POU6F2: variants seen among roughly 807,000 people sequenced by gnomAD.
The protein encoded by POU6F2 is POU class 6 homeobox 2, also known as POU domain, class 6, transcription factor 2.
A neutral mutation model predicts 71.3 loss-of-function variants in POU6F2; 31 were observed. The observed-to-expected ratio is 0.43, with a 90% CI of 0.33 to 0.59. POU6F2 has a LOEUF of 0.59. Among genes scored for constraint, POU6F2 ranks in the 20% least tolerant of loss-of-function variants. The pLI is 0.04. For missense variants in POU6F2, 783 were observed against 856.8 expected (o/e 0.91, Z 1.07); for synonymous variants, 347 against 355.7 (o/e 0.98, Z 0.27).
intron 2 of POU6F2, among the ~76,000 whole-genome samples, chr7:39,137,810 GT>G (rs1792417022): frequency 6.6e-6 from 1 of 152,036 alleles, no homozygotes; most frequent in Non-Finnish European, 1.5e-5. Flanking sequence ...AGTTCAACCT[GT>G]GCATATTGAT....
At position 39,272,293 on chromosome 7, in the gene POU6F2, C is replaced by G. The variant is rs151302469; in HGVS notation, c.598+64673C>G. ...ACTGTAGAGAGATAGAGACTCCAGG[C>G]TAATCCCTCCTCCACTCCCATCACA... On this transcript the variant is annotated intron_variant, in intron 4 of 9. Transcript: ENST00000518318. Among the ~76,000 whole-genome samples the G allele has an allele frequency of 2.4e-3, 360 of 152,278 alleles. 1 individual carries two copies. The highest frequency in any genetic ancestry group is 8.5e-3 in the African/African-American group (352 of 41,542).
At chr7:39,002,030 G>A (rs951355609) in intron 1 of POU6F2, 1 of 152,132 alleles carries the variant, frequency 6.6e-6, no homozygotes, top group Non-Finnish European at 1.5e-5. Flanking sequence ...AAAATAACAG[G>A]GCTATGTCAA....
At chr7:39,058,721 A>G (rs1790587646) in intron 1 of POU6F2, among the ~76,000 whole-genome samples, 1 of 152,220 alleles carries the variant, frequency 6.6e-6, no homozygotes, top group South Asian at 2.1e-4. Flanking sequence ...TTACATGACT[A>G]GATACGTAAA....
intron 1 of POU6F2, among the ~76,000 whole-genome samples, chr7:39,024,409 A>C (rs1188746628): frequency 6.6e-6 from 1 of 152,052 alleles, no homozygotes; most frequent in East Asian, 1.9e-4. Flanking sequence ...TTTTGGGCTG[A>C]GACGATGGGG....
At chr7:39,062,237 T>C (rs1562690733) in intron 1 of POU6F2, among the ~76,000 whole-genome samples, 1 of 152,008 alleles carries the variant, frequency 6.6e-6, no homozygotes, top group Non-Finnish European at 1.5e-5. Flanking sequence ...TCAGTACTGT[T>C]AAAAAAATAC....
intron 5 of POU6F2, among the ~76,000 whole-genome samples, chr7:39,368,354 A>C (rs1786545818): frequency 6.6e-6 from 1 of 152,072 alleles, no homozygotes; most frequent in Non-Finnish European, 1.5e-5. Context: ...ATCCAAACCA[A>C]GGCCCTCTCT....
chr7:39,144,940 A>G (rs1028203106), intron 2 of POU6F2, among the ~76,000 whole-genome samples: 2 of 152,132 alleles, frequency 1.3e-5, no homozygotes, highest in African/African-American at 4.8e-5. Flanking sequence ...GGCCCAGGTC[A>G]TTATTGACTC....
intron 1 of POU6F2, among the ~76,000 whole-genome samples, chr7:39,051,379 A>C (rs1790396893): frequency 6.6e-6 from 1 of 152,064 alleles, no homozygotes; most frequent in Non-Finnish European, 1.5e-5. Context: ...ATGTTTGAGT[A>C]GGTTTGGGTA....
chr7:39,422,425 G>A (rs1375632963), intron 6 of POU6F2, among the ~76,000 whole-genome samples: 32 of 152,148 alleles, frequency 2.1e-4, no homozygotes, highest in Admixed American at 1.8e-3. Context: ...ATTTTTATGC[G>A]ATATCTCATG....
At chr7:38,988,012 A>G (rs1418328097) in intron 1 of POU6F2, among the ~76,000 whole-genome samples, 1 of 152,100 alleles carries the variant, frequency 6.6e-6, no homozygotes, top group African/African-American at 2.4e-5. Flanking sequence ...GGAGCTTAAA[A>G]CGGGCTTTTA....
chr7:39,098,432 C>T (rs1486067354), intron 2 of POU6F2, among the ~76,000 whole-genome samples: 1 of 149,568 alleles, frequency 6.7e-6, no homozygotes, highest in Non-Finnish European at 1.5e-5. Flanking sequence ...TACCATCACA[C>T]TCAGCTAATT....
intron 4 of POU6F2, among the ~76,000 whole-genome samples, chr7:39,339,098 CA>C (rs988547850): frequency 5.6e-5 from 8 of 142,722 alleles, no homozygotes; most frequent in African/African-American, 2.1e-4. Flanking sequence ...AAAAAAAAAA[CA>C]GTTAGAAATT....
intron 1 of POU6F2, among the ~76,000 whole-genome samples, chr7:39,047,169 A>T (rs377136276): frequency 6.6e-6 from 1 of 151,880 alleles, no homozygotes; most frequent in South Asian, 2.1e-4. Context: ...CTTTTTGGAA[A>T]TTATTCAGGT....
chr7:39,279,649 T>C (rs1484865909), intron 4 of POU6F2, among the ~76,000 whole-genome samples: 1 of 152,250 alleles, frequency 6.6e-6, no homozygotes, highest in Non-Finnish European at 1.5e-5. Flanking sequence ...GCCAGCAATC[T>C]TTGGCATTTC....
chr7:39,348,919 CA>C (rs1193230299), intron 5 of POU6F2, among the ~76,000 whole-genome samples: 2 of 152,246 alleles, frequency 1.3e-5, no homozygotes, highest in Non-Finnish European at 1.5e-5. Flanking sequence ...ACGATTTAAC[CA>C]AGAAATTCTG....
chr7:39,206,648 G>T (rs1301897982), intron 3 of POU6F2, among the ~76,000 whole-genome samples: 1 of 152,024 alleles, frequency 6.6e-6, no homozygotes, highest in East Asian at 1.9e-4. Flanking sequence ...TTTCTAAAGA[G>T]GTGTCATAAT....
At chr7:39,380,214 T>G (rs1432802377) in intron 5 of POU6F2, among the ~76,000 whole-genome samples, 1 of 152,222 alleles carries the variant, frequency 6.6e-6, no homozygotes, top group Non-Finnish European at 1.5e-5. Context: ...AAGAAGGCAG[T>G]GTCATCCCTG....
At position 39,080,913 on chromosome 7, in the gene POU6F2, A is replaced by G. The variant is rs372866995; in HGVS notation, c.106-4947A>G. 6.2e-4 allele frequency among the ~76,000 whole-genome samples: 94 copies of G among 152,362 alleles called. 1 individual carries two copies. In the South Asian group the frequency reaches 0.019, roughly 32 times the overall value. On this transcript the variant is annotated intron_variant, in intron 1 of 9. Transcript: ENST00000518318. ...TTAAATTATTGAAGGTCTTTAGCCA[A>G]ATTACATATTTGTTTATGTGGTATT...
At chr7:39,269,768 T>C (rs967758114) in intron 4 of POU6F2, among the ~76,000 whole-genome samples, 4 of 152,198 alleles carry the variant, frequency 2.6e-5, no homozygotes, top group African/African-American at 4.8e-5. Context: ...TGGGAAACCC[T>C]CTTTTGTGTA....
Sources: gnomAD v4.1 joint callset for allele counts (sites outside exome capture counted in the v4.1 genomes callset) on GRCh38, gnomAD v4.1.1 for gene constraint, MANE v1.5 for transcripts, NCBI Gene and HGNC (gene_info 2026-07-23, HGNC 2026-07-21) for gene names.